The following CREBBP variants were observed in gnomAD, a reference collection of about 807,000 sequenced individuals.
CREBBP encodes CREB binding lysine acetyltransferase.
CREBBP carries 19 observed loss-of-function variants against 265.0 expected under a neutral mutation model. The ratio of observed to expected loss-of-function variants is 0.07; its 90% CI spans 0.05 to 0.11. The LOEUF (loss-of-function observed/expected upper bound fraction) is 0.11, where lower values mean the gene tolerates loss of function less well. Ranked by LOEUF, CREBBP falls within the 10% of genes least tolerant of loss-of-function variation. The pLI, the probability that CREBBP is intolerant of heterozygous loss-of-function variation, is 1.00. For synonymous variants in CREBBP, 1,457 were observed against 1,223.7 expected, an observed-to-expected ratio of 1.19 and a Z score of -3.98; for missense variants, 2,525 against 3,219.0, an observed-to-expected ratio of 0.78 and a Z score of 5.22.
intron 13 of CREBBP, among the ~76,000 whole-genome samples, chr16:3,773,261 T>C (rs2053058636): frequency 6.6e-6 from 1 of 152,138 alleles, no homozygotes; most frequent in Non-Finnish European, 1.5e-5. Context: ...CAGCTCTAGA[T>C]TGAGAAATTA....
At chr16:3,799,688 T>C (rs1488261273) in intron 3 of CREBBP, among the ~76,000 whole-genome samples, 1 of 152,162 alleles carries the variant, frequency 6.6e-6, no homozygotes, top group Non-Finnish European at 1.5e-5. Context: ...TAATTAAACA[T>C]CCTATGGCTA....
chr16:3,786,671 A>G (rs2053395547), intron 5 of CREBBP, among the ~76,000 whole-genome samples: 1 of 152,202 alleles, frequency 6.6e-6, no homozygotes, highest in Non-Finnish European at 1.5e-5. Flanking sequence ...AAACTTGTGT[A>G]TGGGGAAGGC....
chr16:3,726,928 G>C lies in CREBBP; in HGVS notation c.*790C>G, dbSNP rs2051761289. On this transcript the variant is annotated 3_prime_UTR_variant, in exon 31 of 31. Coordinates refer to ENST00000262367, the MANE Select transcript of CREBBP (RefSeq NM_004380.3). The stretch of plus-strand genomic sequence containing the variant: ...TCGAGTTTCGTATTTATAGGAATTA[G>C]AGCGCTTGCATGATTTACACTAGAA... 1 of 233,630 alleles carries C rather than the reference G, an allele frequency of 4.3e-6. No individual in the cohort carries two copies. The highest frequency in any genetic ancestry group is 6.0e-5 in the East Asian group (1 of 16,560). The allele number at this position is 233,630 out of a possible 1,614,324, so 14.5% of individuals were successfully genotyped here. A position where few individuals can be genotyped will look rare whatever the true frequency, so the allele number is the denominator to read the frequency against.
intron 2 of CREBBP, among the ~76,000 whole-genome samples, chr16:3,836,526 G>A (rs918213907): frequency 6.6e-6 from 1 of 152,040 alleles, no homozygotes; most frequent in Non-Finnish European, 1.5e-5. Context: ...GCATACAAAG[G>A]AACTTTCTGG....
chr16:3,740,392 C>T lies in CREBBP; in HGVS notation c.4133+7G>A, dbSNP rs369078848. On this transcript the variant is annotated splice_region_variant and intron_variant, in intron 24 of 30. Transcript: ENST00000262367. ...CGCAGAGCACTGTAGAGAGCAGGCA[C>T]ACTGACCGTGACTTCATCCCGGGCT... The T allele has an allele frequency of 1.2e-4, 195 of 1,614,036 alleles. No homozygotes were observed. The highest frequency in any genetic ancestry group is 1.6e-4 in the Non-Finnish European group (189 of 1,180,044).
chr16:3,731,683 C>G lies in CREBBP; in HGVS notation c.4890+93G>C, dbSNP rs2051920352. On this transcript the variant is annotated intron_variant, in intron 29 of 30. Coordinates refer to ENST00000262367, the MANE Select transcript of CREBBP (RefSeq NM_004380.3). This position sits in a 1 kb window ranked among gnomAD's most constrained non-coding sequence, Gnocchi z 7.7. Reference sequence around the variant, plus strand: ...TTCCTGGGGGCCACTTCCCTCCCACCACAGACCTGCACACGGGCCCACGCC... The same window carrying G: ...TTCCTGGGGGCCACTTCCCTCCCACGACAGACCTGCACACGGGCCCACGCC... 6.4e-7 allele frequency: 1 copy of G among 1,570,006 alleles called. No individual in the cohort carries two copies. Among genetic ancestry groups the G allele is most frequent in the Non-Finnish European group, 8.8e-7 (1 of 1,142,690 alleles).
intron 26 of CREBBP, among the ~76,000 whole-genome samples, chr16:3,737,462 T>TC (rs915078070): frequency 2.6e-5 from 4 of 151,784 alleles, no homozygotes; most frequent in African/African-American, 7.3e-5. Context: ...TTTCTTTTTT[T>TC]TTTTTTGCGG....
At chr16:3,851,186 G>T (rs985787033) in intron 1 of CREBBP, among the ~76,000 whole-genome samples, 177 bp from the exon 2 acceptor site, 4 of 151,230 alleles carry the variant, frequency 2.6e-5, no homozygotes, top group Admixed American at 6.6e-5. Context: ...TACTCGGGAG[G>T]CTAAGGCAGG....
rs191384402 is a variant in CREBBP at position 3,789,406 on chromosome 16, C to T, written c.1330+2575G>A. ...TTATTCTGTTTGCACTGGGCTCCAC[C>T]AAGTCCCACCTTTCTCTACAAAGTA... On this transcript the variant is annotated intron_variant, in intron 5 of 30. Transcript: ENST00000262367. Among the ~76,000 whole-genome samples the T allele has an allele frequency of 1.7e-3, 258 of 152,320 alleles. 1 individual carries two copies. Among genetic ancestry groups the T allele is most frequent in the African/African-American group, 5.7e-3 (237 of 41,564 alleles).
intron 19 of CREBBP, 110 bp from the exon 20 acceptor site, chr16:3,751,916 G>A (rs2052483566): frequency 1.9e-6 from 2 of 1,027,760 alleles, no homozygotes; most frequent in African/African-American, 1.6e-5. Flanking sequence ...CGAAGGGGGG[G>A]CGTTGTTGGT....
rs374525993 is a variant in CREBBP, at chr16:3,749,524, C to A, written c.3836+103G>T. The A allele has an allele frequency of 2.3e-3, 1,787 of 762,266 alleles. 19 individuals carry two copies. The highest frequency in any genetic ancestry group is 0.019 in the South Asian group (1,173 of 61,922). The allele number at this position is 762,266 out of a possible 1,614,324, so 47.2% of individuals were successfully genotyped here. ...CTCACACCAGAAATTCCACTTACGG[C>A]AACATATTTCCAATGTTTTTACCCA... On this transcript the variant is annotated intron_variant, in intron 21 of 30. Transcript: ENST00000262367.
intron 16 of CREBBP, among the ~76,000 whole-genome samples, chr16:3,760,667 G>A (rs569911757): frequency 1.4e-4 from 22 of 152,010 alleles, no homozygotes; most frequent in Admixed American, 3.3e-4. Context: ...GCCTTCCAAA[G>A]TGCTGGGATT....
intron 21 of CREBBP, among the ~76,000 whole-genome samples, chr16:3,746,781 C>A (rs1017998139): frequency 6.6e-6 from 1 of 152,020 alleles, no homozygotes; most frequent in Non-Finnish European, 1.5e-5. Context: ...CCCATTTCTA[C>A]AAAAAATTTA....
intron 3 of CREBBP, among the ~76,000 whole-genome samples, chr16:3,807,309 G>T (rs2053849924): frequency 6.6e-6 from 1 of 152,190 alleles, no homozygotes; most frequent in African/African-American, 2.4e-5. Flanking sequence ...GAGCTGCAGA[G>T]GGCACCAGGT....
intron 26 of CREBBP, 75 bp from the exon 27 acceptor site, chr16:3,736,890 G>A (rs2151330614): frequency 7.7e-6 from 12 of 1,568,284 alleles, no homozygotes; most frequent in South Asian, 1.1e-5. Context: ...TTATAGCAGA[G>A]GAGCAAGGAC....
intron 11 of CREBBP, among the ~76,000 whole-genome samples, chr16:3,775,011 G>A (rs1049963367): frequency 1.3e-5 from 2 of 152,082 alleles, no homozygotes; most frequent in African/African-American, 4.8e-5. Flanking sequence ...TGAGCCAGAG[G>A]GCACAGTACC....
Position 3,727,900 on chromosome 16 carries a change from G to T in CREBBP, c.7147C>A (p.Pro2383Thr), listed in dbSNP as rs2151298975. The change falls in exon 31 of 31, where the codon CCC becomes ACC. Residue 2383 changes from proline (P) to threonine (T), a missense_variant. Around this residue, in one of 19 missense-constraint regions of CREBBP, gnomAD observed 473 missense variants for 459.3 expected, o/e 1.03. Transcript: ENST00000262367. Reference sequence around the variant, plus strand: ...ATGGTGACTGCGAGTCCGGGGTGGGGGGAACCAGTCTGGGGTGAGACGTGG... The same window carrying T: ...ATGGTGACTGCGAGTCCGGGGTGGGTGGAACCAGTCTGGGGTGAGACGTGG... ...PHHVSPQTGS[P>T]HPGLAVTMAS... 1.2e-6 allele frequency: 2 copies of T among 1,613,012 alleles called. No homozygotes were observed. The highest frequency in any genetic ancestry group is 1.7e-6 in the Non-Finnish European group (2 of 1,179,290).
At chr16:3,787,776 C>T (rs555910596) in intron 5 of CREBBP, among the ~76,000 whole-genome samples, 16 of 152,228 alleles carry the variant, frequency 1.1e-4, no homozygotes, top group African/African-American at 2.6e-4. Flanking sequence ...CATTCTCCTG[C>T]CTCAGCCTCC....
intron 11 of CREBBP, among the ~76,000 whole-genome samples, chr16:3,775,196 A>C (rs1210834416): frequency 6.6e-6 from 1 of 152,178 alleles, no homozygotes; most frequent in African/African-American, 2.4e-5. Flanking sequence ...TGCTGGGTTT[A>C]CATTCATTGT....
Sources: gnomAD v4.1 joint callset for allele counts (sites outside exome capture counted in the v4.1 genomes callset) on GRCh38, gnomAD v4.1.1 for gene constraint, gnomAD v4.1.1 regional missense constraint, Gnocchi (gnomAD v3.1) non-coding constraint, MANE v1.5 for transcripts, NCBI Gene and HGNC (gene_info 2026-07-23, HGNC 2026-07-21) for gene names.